Variants in LPAR1 observed in about 807,000 individuals in gnomAD.
LPAR1 encodes LPA receptor 1.
Under a neutral mutation model 23.8 loss-of-function variants are expected in LPAR1, and 5 were observed. The ratio of observed to expected loss-of-function variants is 0.21; its 90% confidence interval spans 0.11 to 0.44. The LOEUF is 0.44. Among genes scored for constraint, LPAR1 ranks in the 20% least tolerant of loss-of-function variants. LPAR1 has a pLI of 0.99. For missense variants in LPAR1, 311 were observed against 482.8 expected (o/e 0.64, Z 3.33); for synonymous variants, 160 against 164.7 (o/e 0.97, Z 0.22).
At chr9:110,960,421 C>T (rs535539354) in intron 4 of LPAR1, among the ~76,000 whole-genome samples, 9 of 152,126 alleles carry the variant, frequency 5.9e-5, no homozygotes, top group South Asian at 2.1e-4. Flanking sequence ...TGCAGAGAGA[C>T]GATAAGTATC....
intron 4 of LPAR1, among the ~76,000 whole-genome samples, chr9:110,958,886 T>C (rs1473642948): frequency 6.8e-6 from 1 of 147,692 alleles, no homozygotes; most frequent in Non-Finnish European, 1.5e-5. Flanking sequence ...AATAATCTCA[T>C]TAAAAAGTGG....
rs990842491 is a variant in LPAR1, at chr9:110,874,317, T to G, written c.*1104A>C. The G allele has an allele frequency of 6.6e-6, 1 of 152,616 alleles. No homozygotes were observed. Among genetic ancestry groups the G allele is most frequent in the African/African-American group, 2.4e-5 (1 of 41,452 alleles). 9.5% of individuals were successfully genotyped at this position (152,616 alleles called of 1,614,324 possible). A position where few individuals can be genotyped will look rare whatever the true frequency, so the allele number is the denominator to read the frequency against. ...CATTAAAATTATGTTTTTGTAAAAT[T>G]TTTAATGCCATAAGAAAATGTGGCA... On this transcript the variant is annotated 3_prime_UTR_variant, in exon 6 of 6. Coordinates refer to ENST00000683809, the MANE Select transcript of LPAR1 (RefSeq NM_001351411.2).
At chr9:111,008,399 C>T (rs147937657) in intron 2 of LPAR1, among the ~76,000 whole-genome samples, 288 of 151,980 alleles carry the variant, frequency 1.9e-3, no homozygotes, top group African/African-American at 6.9e-3. Flanking sequence ...CATGAATCTC[C>T]CAAGAAGCAA....
At chr9:110,929,928 ATGCTT>A in intron 5 of LPAR1, among the ~76,000 whole-genome samples, 1 of 152,154 alleles carries the variant, frequency 6.6e-6, no homozygotes, top group Admixed American at 6.5e-5. Context: ...ATCAGAAATG[ATGCTT>A]CGAGTTGCAA....
rs551517 is a variant in LPAR1, at chr9:110,874,513, C to T, written c.*908G>A. 40,606 of 152,402 alleles carry T rather than the reference C, an allele frequency of 0.27. 5,505 individuals carry two copies. The highest frequency in any genetic ancestry group is 0.29 in the South Asian group (1,420 of 4,822). The allele number at this position is 152,402 out of a possible 1,614,324, so 9.4% of individuals were successfully genotyped here. ...ATTTTTGCTTTTTTATACATTTCTG[C>T]ATTTTTCAAGTTTTCTATGATGAGT... On this transcript the variant is annotated 3_prime_UTR_variant, in exon 6 of 6. Transcript: ENST00000683809.
Position 110,972,053 on chromosome 9 carries a change from T to C in LPAR1, c.45+20A>G. The C allele has an allele frequency of 6.2e-7, 1 of 1,609,264 alleles. No individual in the cohort carries two copies. Among genetic ancestry groups the C allele is most frequent in the South Asian group, 1.1e-5 (1 of 90,982 alleles). On this transcript the variant is annotated intron_variant, in intron 4 of 5. Transcript: ENST00000683809. ...CAAACTTACGATTACCTCAGACCTC[T>C]GCTAGTTTGAAGCCCTTACCTGGGG...
At chr9:110,923,820 T>G (rs2135313415) in intron 5 of LPAR1, among the ~76,000 whole-genome samples, 1 of 152,322 alleles carries the variant, frequency 6.6e-6, no homozygotes, top group South Asian at 2.1e-4. Context: ...ACTTCAAAAG[T>G]AACACTGTTA....
Position 110,875,355 on chromosome 9 carries a change from A to C in LPAR1, c.*66T>G. On this transcript the variant is annotated 3_prime_UTR_variant, in exon 6 of 6. Coordinates refer to ENST00000683809, the MANE Select transcript of LPAR1 (RefSeq NM_001351411.2). ...TCTCACACCCCACCTTGCCCTGGCA[A>C]TTGGGTAGGGGGAGGCTGTTTATCC... The C allele has an allele frequency of 7.1e-7, 1 of 1,405,244 alleles. No individual in the cohort carries two copies. Among genetic ancestry groups the C allele is most frequent in the Non-Finnish European group, 9.6e-7 (1 of 1,045,150 alleles). The allele number at this position is 1,405,244 out of a possible 1,614,324, so 87.0% of individuals were successfully genotyped here. A position where few individuals can be genotyped will look rare whatever the true frequency, so the allele number is the denominator to read the frequency against.
chr9:111,007,770 T>A (rs1472858765), intron 2 of LPAR1, among the ~76,000 whole-genome samples: 1 of 152,146 alleles, frequency 6.6e-6, no homozygotes, highest in Admixed American at 6.6e-5. Flanking sequence ...CTTCAAGATG[T>A]TTATCATTGG....
At chr9:110,949,838 T>G (rs893024227) in intron 4 of LPAR1, among the ~76,000 whole-genome samples, 14 of 152,164 alleles carry the variant, frequency 9.2e-5, no homozygotes, top group Admixed American at 8.5e-4. Flanking sequence ...GTATATCAAT[T>G]TCTTACGACT....
At chr9:110,990,561 A>C (rs2418128) in intron 2 of LPAR1, among the ~76,000 whole-genome samples, 99,167 of 151,494 alleles carry the variant, frequency 0.65, 32,893 homozygotes, top group Admixed American at 0.71. Flanking sequence ...ATGAAGAGGA[A>C]AACAAAACAT....
chr9:111,022,877 T>C (rs1240497846), intron 2 of LPAR1, among the ~76,000 whole-genome samples: 1 of 151,584 alleles, frequency 6.6e-6, no homozygotes, highest in Non-Finnish European at 1.5e-5. Context: ...GGTAAAACCC[T>C]GTCTCTACTA....
intron 5 of LPAR1, among the ~76,000 whole-genome samples, chr9:110,925,858 T>C (rs1291278484): frequency 2.0e-5 from 3 of 152,198 alleles, no homozygotes; most frequent in Non-Finnish European, 4.4e-5. Flanking sequence ...GAATAGAAGC[T>C]CAGAAGGGTC....
intron 4 of LPAR1, 63 bp from the exon 5 acceptor site, chr9:110,942,231 T>C (rs554265524): frequency 1.4e-6 from 2 of 1,430,866 alleles, no homozygotes; most frequent in African/African-American, 1.4e-5. Context: ...AAAGCTTATA[T>C]AGATAACACA....
intron 5 of LPAR1, among the ~76,000 whole-genome samples, chr9:110,901,687 T>C (rs2089080260): frequency 6.6e-6 from 1 of 152,064 alleles, no homozygotes; most frequent in Non-Finnish European, 1.5e-5. Context: ...TTGTGGCAGC[T>C]ACAATTCAAG....
chr9:110,943,677 T>C (rs902943926), intron 4 of LPAR1, among the ~76,000 whole-genome samples: 3 of 151,906 alleles, frequency 2.0e-5, no homozygotes, highest in Non-Finnish European at 4.4e-5. Flanking sequence ...CTGGCCAACA[T>C]GGTGAAACCC....
At chr9:110,982,768 T>C (rs775151514) in intron 2 of LPAR1, among the ~76,000 whole-genome samples, 32 of 151,184 alleles carry the variant, frequency 2.1e-4, no homozygotes, top group Non-Finnish European at 4.4e-4. Context: ...TCCTAACTCC[T>C]ACAACTCAAA....
chr9:110,970,383 A>C (rs1478087927), intron 4 of LPAR1, among the ~76,000 whole-genome samples: 1 of 152,116 alleles, frequency 6.6e-6, no homozygotes, highest in Non-Finnish European at 1.5e-5. Context: ...GACACCAAAA[A>C]AGTCTATTGA....
At position 110,941,704 on chromosome 9, in the gene LPAR1, G is replaced by A. The variant is rs1246925359; in HGVS notation, c.510C>T (p.Val170=). 2.5e-6 allele frequency: 4 copies of A among 1,614,150 alleles called. No homozygotes were observed. The highest frequency in any genetic ancestry group is 3.4e-6 in the Non-Finnish European group (4 of 1,180,022). ...SNRRVVVVIV[V]IWTMAIVMGA... is the part of the protein sequence containing the mutation. ...CCATAACGATGGCCATAGTCCAGAT[G>A]ACCACAATGACCACCACTACCCGCC... The change falls in exon 5 of 6, where the codon GTC becomes GTT. Residue 170 remains valine (V), a synonymous_variant. Transcript: ENST00000683809. The surrounding 1 kb of genome is among the most constrained non-coding windows in gnomAD (Gnocchi z 6.1).
Sources: allele counts gnomAD v4.1 joint callset (sites outside exome capture counted in the v4.1 genomes callset), GRCh38; gene constraint gnomAD v4.1.1; non-coding constraint Gnocchi (gnomAD v3.1); transcripts MANE v1.5; gene names NCBI Gene and HGNC (gene_info 2026-07-23, HGNC 2026-07-21).